Variants in SUSD5 observed in about 807,000 individuals in gnomAD.
The protein encoded by SUSD5 is sushi domain containing 5, also known as sushi domain-containing protein 5.
A neutral mutation model predicts 29.5 loss-of-function variants in SUSD5; 33 were observed. The observed-to-expected ratio is 1.12, with a 90% CI of 0.85 to 1.49. The LOEUF (loss-of-function observed/expected upper bound fraction) is 1.49. SUSD5 is among the 40% of genes most tolerant of loss of function. SUSD5 has a pLI of 0.00. For missense variants in SUSD5, 776 were observed against 800.6 expected (o/e 0.97, Z 0.37); for synonymous variants, 308 against 325.3 (o/e 0.95, Z 0.57).
In SUSD5 at chr3:33,213,939, A is replaced by G. The variant is rs756839781; in HGVS notation, c.279T>C (p.Asp93=). 2 of 1,600,442 alleles carry G rather than the reference A, an allele frequency of 1.2e-6. No homozygotes were observed. The highest frequency in any genetic ancestry group is 2.2e-5 in the South Asian group (2 of 89,214). Residue 93 remains aspartate (D), a synonymous_variant, in exon 2 of 5, where the codon GAT becomes GAC. Coordinates refer to ENST00000309558, the MANE Select transcript of SUSD5 (RefSeq NM_015551.2). ...CTCGCCTAACTTACCCAAGAGTACC[A>G]TCTGCTAGCCAGCCAGTGGTGCACA... ...FAVCTTGWLA[D]GTLGTTVCSK... is the part of the protein sequence containing the mutation.
At chr3:33,158,029 C>G (rs1333057616) in intron 4 of SUSD5, among the ~76,000 whole-genome samples, 1 of 152,246 alleles carries the variant, frequency 6.6e-6, no homozygotes, top group Non-Finnish European at 1.5e-5. Flanking sequence ...TAGAACAGTG[C>G]TTATCTACTA....
At chr3:33,186,925 T>C (rs532633113) in intron 3 of SUSD5, among the ~76,000 whole-genome samples, 1 of 152,286 alleles carries the variant, frequency 6.6e-6, no homozygotes, top group African/African-American at 2.4e-5. Context: ...CAAGCAGTTA[T>C]CTGAAACCCT....
rs546299126 is a variant in SUSD5 at position 33,167,051 on chromosome 3, T to C, written c.598+7835A>G. On this transcript the variant is annotated intron_variant, in intron 4 of 4. Transcript: ENST00000309558. This position sits in a 1 kb window ranked among gnomAD's most constrained non-coding sequence, Gnocchi z 4.1. ...AAAATTAGCTGAGCGTGGTGGTGCG[T>C]GCCTGTAATCCCAGGTACTCAGGAC... Among the ~76,000 whole-genome samples the C allele has an allele frequency of 3.2e-4, 49 of 152,124 alleles. No individual in the cohort carries two copies. In the South Asian group the frequency reaches 7.5e-3, roughly 23 times the overall value.
chr3:33,217,100 T>C (rs2032439732), intron 1 of SUSD5, among the ~76,000 whole-genome samples: 1 of 152,226 alleles, frequency 6.6e-6, no homozygotes, highest in Non-Finnish European at 1.5e-5. Context: ...GCACAAAATA[T>C]TGATCCTTAT....
At chr3:33,179,752 T>A (rs12106965) in intron 3 of SUSD5, among the ~76,000 whole-genome samples, 2,318 of 152,340 alleles carry the variant, frequency 0.015, 57 homozygotes, top group African/African-American at 0.052. Flanking sequence ...AAACCAACAT[T>A]TTTTTCCATT....
At position 33,191,972 on chromosome 3, in the gene SUSD5, G is replaced by A. The variant is rs148501076; in HGVS notation, c.409+15836C>T. On this transcript the variant is annotated intron_variant, in intron 3 of 4. Transcript: ENST00000309558. ...CAAAAGAATTTATATACCTACAAGT[G>A]GCATATAAATTTGCTTGTTTCCCTT... is the stretch of plus-strand genomic sequence containing the variant. Among the ~76,000 whole-genome samples, 176 of 152,144 alleles carry A rather than the reference G, an allele frequency of 1.2e-3. 1 individual carries two copies. Among genetic ancestry groups the A allele is most frequent in the African/African-American group, 4.2e-3 (173 of 41,496 alleles).
At chr3:33,194,552 A>C (rs997320163) in intron 3 of SUSD5, among the ~76,000 whole-genome samples, 2 of 152,334 alleles carry the variant, frequency 1.3e-5, no homozygotes, top group East Asian at 3.9e-4. Flanking sequence ...ACATGTTTCA[A>C]GGAAGTGTGT....
At chr3:33,180,518 G>A (rs1646823849) in intron 3 of SUSD5, among the ~76,000 whole-genome samples, 1 of 151,980 alleles carries the variant, frequency 6.6e-6, no homozygotes, top group Non-Finnish European at 1.5e-5. Flanking sequence ...ATGCATCTGT[G>A]CCCAGCTAAT....
At chr3:33,200,113 T>G (rs951936437) in intron 3 of SUSD5, among the ~76,000 whole-genome samples, 4 of 152,194 alleles carry the variant, frequency 2.6e-5, no homozygotes. Context: ...AGAAACTTCA[T>G]TGAATGGGAC....
chr3:33,158,486 C>T (rs1428881824), intron 4 of SUSD5, among the ~76,000 whole-genome samples: 2 of 152,134 alleles, frequency 1.3e-5, no homozygotes, highest in Non-Finnish European at 2.9e-5. Context: ...TAGTAGAACT[C>T]CCTCCCCACT....
intron 2 of SUSD5, among the ~76,000 whole-genome samples, chr3:33,210,198 G>C (rs958582453): frequency 6.6e-6 from 1 of 152,160 alleles, no homozygotes; most frequent in African/African-American, 2.4e-5. Flanking sequence ...TAGACATCTG[G>C]AGCACTGGAA....
intron 3 of SUSD5, among the ~76,000 whole-genome samples, chr3:33,176,270 C>T (rs539895420): frequency 2.5e-4 from 38 of 152,240 alleles, no homozygotes; most frequent in African/African-American, 8.2e-4. Context: ...TGGTTGCTTC[C>T]GAGTTTTGGC....
intron 4 of SUSD5, among the ~76,000 whole-genome samples, chr3:33,155,692 G>GATTT (rs2031034802): frequency 6.6e-6 from 1 of 152,178 alleles, no homozygotes; most frequent in Non-Finnish European, 1.5e-5. Context: ...ATGCAAATCT[G>GATTT]TACATCAATA....
At chr3:33,154,736 A>G (rs528809225) in intron 4 of SUSD5, among the ~76,000 whole-genome samples, 59 of 152,362 alleles carry the variant, frequency 3.9e-4, no homozygotes, top group African/African-American at 1.4e-3. Context: ...CAAGACTTCT[A>G]CATGGAATGA....
rs2030904724 is a variant in SUSD5 at position 33,151,851 on chromosome 3, T to C, written c.*891A>G. 6.6e-6 allele frequency: 1 copy of C among 152,242 alleles called. No individual in the cohort carries two copies. The highest frequency in any genetic ancestry group is 2.4e-5 in the African/African-American group (1 of 41,456). The allele number at this position is 152,242 out of a possible 1,614,324, so 9.4% of individuals were successfully genotyped here. On this transcript the variant is annotated 3_prime_UTR_variant, in exon 5 of 5. Transcript: ENST00000309558. Reference sequence around the variant, plus strand: ...GGGAACAGAGGGGGATGTGTGTTTCTTCACTCCTCAACTCCCCCAACAAAA... The same window carrying C: ...GGGAACAGAGGGGGATGTGTGTTTCCTCACTCCTCAACTCCCCCAACAAAA...
intron 3 of SUSD5, among the ~76,000 whole-genome samples, chr3:33,189,987 T>C (rs1185728596): frequency 1.3e-5 from 2 of 152,214 alleles, no homozygotes; most frequent in African/African-American, 4.8e-5. Context: ...AGTCCAGTCA[T>C]ATCTTTAAAA....
chr3:33,163,548 C>T (rs2031237502), intron 4 of SUSD5, among the ~76,000 whole-genome samples: 1 of 152,244 alleles, frequency 6.6e-6, no homozygotes, highest in Admixed American at 6.5e-5. Flanking sequence ...TTAAAATACA[C>T]CTTTTTGTTT....
chr3:33,206,306 G>A (rs914564854), intron 3 of SUSD5, among the ~76,000 whole-genome samples: 1 of 151,228 alleles, frequency 6.6e-6, no homozygotes, highest in Non-Finnish European at 1.5e-5. Context: ...CCCAGAAGGT[G>A]GAGGCTGCAG....
chr3:33,212,579 G>GGGCTAGAATCACCTAGA (rs2032342215), intron 2 of SUSD5, among the ~76,000 whole-genome samples: 1 of 152,176 alleles, frequency 6.6e-6, no homozygotes, highest in Non-Finnish European at 1.5e-5. Context: ...CAATGGCTGG[G>GGGCTAGAATCACCTAGA]GGCTAGAATC....
Sources: allele counts gnomAD v4.1 joint callset (sites outside exome capture counted in the v4.1 genomes callset), GRCh38; gene constraint gnomAD v4.1.1; non-coding constraint Gnocchi (gnomAD v3.1); transcripts MANE v1.5; gene names NCBI Gene and HGNC (gene_info 2026-07-23, HGNC 2026-07-21).